FRMD4B: variants seen among roughly 807,000 people sequenced by gnomAD.
The protein encoded by FRMD4B is FERM domain-containing protein 4B.
Under a neutral mutation model 141.5 loss-of-function variants are expected in FRMD4B, and 74 were observed. That is an observed-to-expected ratio of 0.52 (90% CI 0.43 to 0.63). The LOEUF is 0.63. Ranked by LOEUF, FRMD4B falls within the 30% of genes least tolerant of loss-of-function variation. The pLI, the probability that FRMD4B is intolerant of heterozygous loss-of-function variation, is 0.00. For missense variants in FRMD4B, 1,366 were observed against 1,253.4 expected, an observed-to-expected ratio of 1.09 and a Z score of -1.36; for synonymous variants, 506 against 467.9, an observed-to-expected ratio of 1.08 and a Z score of -1.05.
chr3:69,329,949 T>C (rs1013406894), intron 1 of FRMD4B, among the ~76,000 whole-genome samples: 7 of 152,142 alleles, frequency 4.6e-5, no homozygotes, highest in African/African-American at 1.7e-4. Context: ...AAATTTATTA[T>C]TATACTTCAA....
At chr3:69,297,920 G>GA (rs34871803) in intron 4 of FRMD4B, among the ~76,000 whole-genome samples, 92,703 of 151,916 alleles carry the variant, frequency 0.61, 28,637 homozygotes, top group African/African-American at 0.71. Context: ...TTTATAACTG[G>GA]AAAAAAGAAG....
At chr3:69,446,209 G>A (rs536934162) in intron 1 of FRMD4B, among the ~76,000 whole-genome samples, 35 of 151,906 alleles carry the variant, frequency 2.3e-4, no homozygotes, top group African/African-American at 2.9e-4. Context: ...TGTATTTTTC[G>A]TAGAGACGAG....
intron 20 of FRMD4B, 150 bp from the exon 21 acceptor site, chr3:69,181,860 G>T: frequency 1.7e-6 from 1 of 601,708 alleles, no homozygotes; most frequent in Non-Finnish European, 2.9e-6. Context: ...AGAATCCATT[G>T]TTCTCCAAAT....
At chr3:69,222,620 A>T (rs564203609) in intron 8 of FRMD4B, among the ~76,000 whole-genome samples, 1 of 152,112 alleles carries the variant, frequency 6.6e-6, no homozygotes, top group African/African-American at 2.4e-5. Flanking sequence ...AAAAATACAA[A>T]ATTAGCTGGT....
intron 3 of FRMD4B, 84 bp downstream of exon 3, chr3:69,311,179 A>AT: frequency 1.6e-6 from 1 of 633,018 alleles, no homozygotes; most frequent in Non-Finnish European, 2.8e-6. Flanking sequence ...TGGAGGACTT[A>AT]TTTCCTTTTT....
chr3:69,283,679 C>T (rs980955333), intron 5 of FRMD4B, among the ~76,000 whole-genome samples: 2 of 152,192 alleles, frequency 1.3e-5, no homozygotes, highest in African/African-American at 4.8e-5. Flanking sequence ...TATGTCTCCA[C>T]ATAGGAGAGG....
At chr3:69,399,783 CT>C (rs1321934511) in intron 2 of FRMD4B, among the ~76,000 whole-genome samples, 1 of 152,178 alleles carries the variant, frequency 6.6e-6, no homozygotes, top group African/African-American at 2.4e-5. Flanking sequence ...TTAAACTTCC[CT>C]TCTCATTACA....
intron 17 of FRMD4B, among the ~76,000 whole-genome samples, chr3:69,191,858 C>T (rs2092841826): frequency 6.6e-6 from 1 of 152,182 alleles, no homozygotes; most frequent in African/African-American, 2.4e-5. Flanking sequence ...CACATTCAAC[C>T]AAAGCTACTC....
intron 1 of FRMD4B, among the ~76,000 whole-genome samples, chr3:69,475,746 G>A (rs1575815800): frequency 1.4e-5 from 2 of 147,438 alleles, no homozygotes; most frequent in East Asian, 3.9e-4. Flanking sequence ...TGGGTCAAAT[G>A]GTATTTCTAG....
At chr3:69,490,720 T>C (rs1258387093) in intron 1 of FRMD4B, among the ~76,000 whole-genome samples, 1 of 152,166 alleles carries the variant, frequency 6.6e-6, no homozygotes, top group South Asian at 2.1e-4. Context: ...GGATTTACTG[T>C]GTATCTTCCT....
At chr3:69,498,076 G>T in intron 1 of FRMD4B, among the ~76,000 whole-genome samples, 1 of 152,146 alleles carries the variant, frequency 6.6e-6, no homozygotes, top group South Asian at 2.1e-4. Flanking sequence ...GAAGCTGGAT[G>T]GGAGCTGAGG....
chr3:69,335,611 C>A (rs566311966), intron 1 of FRMD4B, among the ~76,000 whole-genome samples: 1 of 151,494 alleles, frequency 6.6e-6, no homozygotes, highest in African/African-American at 2.4e-5. Flanking sequence ...CCGCTGCAGC[C>A]GGCCCCATAA....
rs1000489338 is a variant in FRMD4B at position 69,170,068 on chromosome 3, A to C, written c.*1793T>G. The C allele has an allele frequency of 2.0e-5, 3 of 152,214 alleles. No homozygotes were observed. Among genetic ancestry groups the C allele is most frequent in the African/African-American group, 4.8e-5 (2 of 41,450 alleles). The allele number at this position is 152,214 out of a possible 1,614,324, so 9.4% of individuals were successfully genotyped here. ...ACTATTAAGAAAAAACTGCCAATTCAAGTAGAATATGCCATCAATAAAAAG... is the reference window on the plus strand; with the variant it reads ...ACTATTAAGAAAAAACTGCCAATTCCAGTAGAATATGCCATCAATAAAAAG... On this transcript the variant is annotated 3_prime_UTR_variant, in exon 23 of 23. Transcript: ENST00000398540.
chr3:69,189,471 A>G (rs2092812440), intron 18 of FRMD4B, among the ~76,000 whole-genome samples: 1 of 152,192 alleles, frequency 6.6e-6, no homozygotes, highest in African/African-American at 2.4e-5. Context: ...AACGTGTACA[A>G]TCTAATATCC....
intron 7 of FRMD4B, among the ~76,000 whole-genome samples, chr3:69,241,521 C>T (rs965190497): frequency 1.3e-5 from 2 of 152,124 alleles, no homozygotes; most frequent in Non-Finnish European, 1.5e-5. Context: ...AAGACAAAAA[C>T]GTTTCATTTC....
At chr3:69,239,755 T>A (rs897205237) in intron 7 of FRMD4B, among the ~76,000 whole-genome samples, 1 of 152,000 alleles carries the variant, frequency 6.6e-6, no homozygotes, top group Non-Finnish European at 1.5e-5. Flanking sequence ...TTCTGGAGAT[T>A]GGCCGTACAA....
intron 1 of FRMD4B, among the ~76,000 whole-genome samples, chr3:69,506,882 C>T (rs892716852): frequency 6.6e-6 from 1 of 152,154 alleles, no homozygotes; most frequent in African/African-American, 2.4e-5. Flanking sequence ...GGAGACAGTG[C>T]ACACTGCGGT....
intron 1 of FRMD4B, among the ~76,000 whole-genome samples, chr3:69,370,926 A>G (rs1575771265): frequency 6.6e-6 from 1 of 152,328 alleles, no homozygotes; most frequent in South Asian, 2.1e-4. Context: ...TCTGAAGCAC[A>G]TTTTTGGTTC....
chr3:69,275,965 A>C (rs1185479685), intron 5 of FRMD4B, among the ~76,000 whole-genome samples: 1 of 152,144 alleles, frequency 6.6e-6, no homozygotes, highest in Non-Finnish European at 1.5e-5. Flanking sequence ...GCACATAATA[A>C]AGTTAGAAAC....
Sources: allele counts gnomAD v4.1 joint callset (sites outside exome capture counted in the v4.1 genomes callset), GRCh38; gene constraint gnomAD v4.1.1; transcripts MANE v1.5; gene names NCBI Gene and HGNC (gene_info 2026-07-23, HGNC 2026-07-21).